FOXN3: variants seen among roughly 807,000 people sequenced by gnomAD.
The protein encoded by FOXN3 is forkhead box N3.
FOXN3 carries 7 observed loss-of-function variants against 38.4 expected under a neutral mutation model. That is an observed-to-expected ratio of 0.18 (90% CI 0.10 to 0.34). The LOEUF (loss-of-function observed/expected upper bound fraction) is 0.34. Ranked by LOEUF, FOXN3 falls within the 10% of genes least tolerant of loss-of-function variation. FOXN3 has a pLI of 1.00. For missense variants in FOXN3, 456 were observed against 613.4 expected (o/e 0.74, Z 2.71); for synonymous variants, 230 against 242.2 (o/e 0.95, Z 0.47).
intron 1 of FOXN3, among the ~76,000 whole-genome samples, chr14:89,466,024 G>C (rs1202741409): frequency 6.6e-6 from 1 of 152,174 alleles, no homozygotes; most frequent in Admixed American, 6.5e-5. Context: ...GTATCTACCA[G>C]CTGCCCCCCA....
At chr14:89,446,111 A>AAAAAAAAAAAAAC (rs1203799928) in intron 1 of FOXN3, among the ~76,000 whole-genome samples, 1 of 142,750 alleles carries the variant, frequency 7.0e-6, no homozygotes, top group Non-Finnish European at 1.5e-5. Context: ...AAAAAAAAAA[A>AAAAAAAAAAAAAC]TTTTAAGGAA....
intron 1 of FOXN3, among the ~76,000 whole-genome samples, chr14:89,431,403 G>T (rs767385510): frequency 1.4e-4 from 22 of 152,020 alleles, no homozygotes; most frequent in Non-Finnish European, 2.5e-4. Context: ...TAGAGACAGG[G>T]TTTCACCATG....
intron 2 of FOXN3, among the ~76,000 whole-genome samples, chr14:89,394,050 G>C (rs1891033493): frequency 6.6e-6 from 1 of 152,030 alleles, no homozygotes; most frequent in Non-Finnish European, 1.5e-5. Flanking sequence ...AGGGCAAAGA[G>C]GGGAGTGGGA....
chr14:89,504,510 G>A (rs1007587442), intron 1 of FOXN3, among the ~76,000 whole-genome samples: 3 of 152,130 alleles, frequency 2.0e-5, no homozygotes, highest in African/African-American at 7.2e-5. Flanking sequence ...ATCTGCCCCA[G>A]TTTGTGTAGA....
chr14:89,175,214 T>C (rs775183491), intron 5 of FOXN3, among the ~76,000 whole-genome samples: 2 of 152,164 alleles, frequency 1.3e-5, no homozygotes, highest in Non-Finnish European at 2.9e-5. Flanking sequence ...GGAAGTGCAG[T>C]TTTTCACTTG....
At chr14:89,335,507 G>C (rs1453432980) in intron 3 of FOXN3, among the ~76,000 whole-genome samples, 1 of 152,188 alleles carries the variant, frequency 6.6e-6, no homozygotes. Flanking sequence ...GCTATTTACA[G>C]ACACTATTTT....
chr14:89,605,507 G>GA lies in FOXN3; in HGVS notation c.-15+13520dup, dbSNP rs977922191. Among the ~76,000 whole-genome samples the GA allele has an allele frequency of 3.2e-4, 49 of 151,764 alleles. No individual in the cohort carries two copies. In the Middle Eastern group the frequency reaches 0.014, roughly 42 times the overall value. On this transcript the variant is annotated intron_variant, in intron 1 of 6. Transcript: ENST00000345097. ...AAATATGGAAGAGGCAGGAAAAATG[G>GA]AAAAAAATGAAGAAATAAATTAGAA...
intron 4 of FOXN3, among the ~76,000 whole-genome samples, chr14:89,209,682 G>C (rs914240345): frequency 6.6e-6 from 1 of 152,210 alleles, no homozygotes; most frequent in Non-Finnish European, 1.5e-5. Flanking sequence ...ACTATTCAGA[G>C]ATGGCCAAAA....
intron 4 of FOXN3, among the ~76,000 whole-genome samples, chr14:89,210,492 G>C (rs1004428045): frequency 1.3e-5 from 2 of 152,104 alleles, no homozygotes; most frequent in African/African-American, 4.8e-5. Context: ...TGCGAGAATG[G>C]ACTAAGACAC....
chr14:89,445,704 G>A (rs1319365543), intron 1 of FOXN3, among the ~76,000 whole-genome samples: 1 of 152,066 alleles, frequency 6.6e-6, no homozygotes, highest in Non-Finnish European at 1.5e-5. Context: ...CAAAACCTGG[G>A]CTGGAGGCCA....
At chr14:89,401,028 G>A (rs1271340143) in intron 2 of FOXN3, among the ~76,000 whole-genome samples, 1 of 152,178 alleles carries the variant, frequency 6.6e-6, no homozygotes, top group African/African-American at 2.4e-5. Flanking sequence ...TGTATCCTCA[G>A]CACCCAAAAC....
At chr14:89,202,012 T>A (rs556238965) in intron 4 of FOXN3, among the ~76,000 whole-genome samples, 5 of 152,314 alleles carry the variant, frequency 3.3e-5, no homozygotes, top group African/African-American at 1.2e-4. Context: ...AATAATCTTT[T>A]ACAGAAGGAA....
chr14:89,272,267 C>A (rs756448751), intron 4 of FOXN3, among the ~76,000 whole-genome samples: 1 of 151,864 alleles, frequency 6.6e-6, no homozygotes, highest in Non-Finnish European at 1.5e-5. Flanking sequence ...GAGCTGAGAT[C>A]GCACCACTGC....
chr14:89,466,585 C>T (rs1049975443), intron 1 of FOXN3, among the ~76,000 whole-genome samples: 3 of 152,120 alleles, frequency 2.0e-5, no homozygotes, highest in African/African-American at 7.2e-5. Context: ...ACCAGGAGCC[C>T]ACAGCCTAGT....
At chr14:89,453,857 G>A (rs1892668173) in intron 1 of FOXN3, among the ~76,000 whole-genome samples, 1 of 152,134 alleles carries the variant, frequency 6.6e-6, no homozygotes, top group Non-Finnish European at 1.5e-5. Flanking sequence ...CACTGCTATG[G>A]ACTGAGGTTT....
At chr14:89,550,500 G>A (rs370868973) in intron 1 of FOXN3, among the ~76,000 whole-genome samples, 6 of 152,064 alleles carry the variant, frequency 3.9e-5, no homozygotes, top group East Asian at 3.9e-4. Context: ...ATTGTCTGCC[G>A]GTGACAGAGA....
chr14:89,417,629 C>A (rs1891787095), upstream of FOXN3: 1 of 452,318 alleles, frequency 2.2e-6, no homozygotes, highest in Non-Finnish European at 4.4e-6. Flanking sequence ...CGCTCCTACC[C>A]CATCTGCATG....
At chr14:89,176,854 T>C (rs986488824) in intron 5 of FOXN3, among the ~76,000 whole-genome samples, 9 of 152,142 alleles carry the variant, frequency 5.9e-5, no homozygotes, top group Non-Finnish European at 1.2e-4. Flanking sequence ...GCAAAGATAC[T>C]ACAAGCAAGT....
chr14:89,451,157 C>T (rs975212780), intron 1 of FOXN3, among the ~76,000 whole-genome samples: 1 of 152,072 alleles, frequency 6.6e-6, no homozygotes, highest in Non-Finnish European at 1.5e-5. Flanking sequence ...GAAAGAAAAG[C>T]CAATGTTGAC....
Sources: allele counts gnomAD v4.1 joint callset (sites outside exome capture counted in the v4.1 genomes callset), GRCh38; gene constraint gnomAD v4.1.1; transcripts MANE v1.5; gene names NCBI Gene and HGNC (gene_info 2026-07-23, HGNC 2026-07-21).